Variants in PCDHGA9 observed in about 807,000 individuals in gnomAD.
The protein encoded by PCDHGA9 is protocadherin gamma subfamily A, 9.
A neutral mutation model predicts 62.5 loss-of-function variants in PCDHGA9; 37 were observed. The observed-to-expected ratio is 0.59, with a 90% CI of 0.46 to 0.78. The LOEUF (loss-of-function observed/expected upper bound fraction) is 0.78, where lower values mean the gene tolerates loss of function less well. Ranked by LOEUF, PCDHGA9 falls within the 30% of genes least tolerant of loss-of-function variation. PCDHGA9 has a pLI of 0.00. For synonymous variants in PCDHGA9, 459 were observed against 484.6 expected (o/e 0.95, Z 0.69); for missense variants, 1,138 against 1,166.2 (o/e 0.98, Z 0.35).
chr5:141,432,725 G>A lies in PCDHGA9; in HGVS notation c.2424+27349G>A, dbSNP rs755759587. The A allele has an allele frequency of 7.4e-6, 12 of 1,613,896 alleles. No individual in the cohort carries two copies. Among genetic ancestry groups the A allele is most frequent in the African/African-American group, 1.3e-5 (1 of 74,932 alleles). On this transcript the variant is annotated intron_variant, in intron 1 of 3. Transcript: ENST00000573521. This position sits in a 1 kb window ranked among gnomAD's most constrained non-coding sequence, Gnocchi z 6.0. ...GGACCACGGCCAGCCCCCTCTCTCC[G>A]CCACTGTCACGCTCACCGTGGCCGT...
rs774898388 is a variant in PCDHGA9, at chr5:141,491,593, A to G, written c.2425-3214A>G. 6.8e-6 allele frequency: 11 copies of G among 1,613,918 alleles called. No individual in the cohort carries two copies. In the Admixed American group the frequency reaches 1.2e-4, roughly 17 times the overall value. Reference sequence around the variant, plus strand: ...GTGCTTTTCACCGGCCTCGGACGGCAGTGACTTCACTTTTCTAAGACCCCT... The same window carrying G: ...GTGCTTTTCACCGGCCTCGGACGGCGGTGACTTCACTTTTCTAAGACCCCT... On this transcript the variant is annotated intron_variant, in intron 1 of 3. Transcript: ENST00000573521. This position sits in a 1 kb window ranked among gnomAD's most constrained non-coding sequence, Gnocchi z 6.9.
intron 1 of PCDHGA9, among the ~76,000 whole-genome samples, chr5:141,482,053 C>G (rs2099551080): frequency 6.6e-6 from 1 of 150,558 alleles, no homozygotes; most frequent in Non-Finnish European, 1.5e-5. Flanking sequence ...CTGTTGCATT[C>G]CAGCCTGGGC....
At chr5:141,470,961 C>T (rs1447105252) in intron 1 of PCDHGA9, among the ~76,000 whole-genome samples, 1 of 152,036 alleles carries the variant, frequency 6.6e-6, no homozygotes, top group Non-Finnish European at 1.5e-5. Context: ...AAGTGATCCT[C>T]CCACCTCAGC....
At position 141,431,851 on chromosome 5, in the gene PCDHGA9, A is replaced by G. The variant is rs2097423722; in HGVS notation, c.2424+26475A>G. 1 of 1,614,264 alleles carries G rather than the reference A, an allele frequency of 6.2e-7. No individual in the cohort carries two copies. The highest frequency in any genetic ancestry group is 1.1e-5 in the South Asian group (1 of 91,088). ...TTCCCGAAAACTCTCCCAGAGGGAC[A>G]TTAATTGCCCTTTTAAATGTAAATG... On this transcript the variant is annotated intron_variant, in intron 1 of 3. Coordinates refer to ENST00000573521, the MANE Select transcript of PCDHGA9 (RefSeq NM_018921.3). This position sits in a 1 kb window ranked among gnomAD's most constrained non-coding sequence, Gnocchi z 4.8.
At chr5:141,454,796 ATTTTTTTTTTTTTTTT>A (rs61612330) in intron 1 of PCDHGA9, among the ~76,000 whole-genome samples, 1 of 77,408 alleles carries the variant, frequency 1.3e-5, no homozygotes, top group East Asian at 4.0e-4. Flanking sequence ...CATGGTTCTA[ATTTTTTTTTTTTTTTT>A]TTTTTTTTTT....
Position 141,485,602 on chromosome 5 carries a change from G to A in PCDHGA9, c.2425-9205G>A, listed in dbSNP as rs766134158. On this transcript the variant is annotated intron_variant, in intron 1 of 3. Transcript: ENST00000573521. The surrounding 1 kb of genome is among the most constrained non-coding windows in gnomAD (Gnocchi z 5.7). ...GGCAGCAGCTGGACTTGGAAATTGG[G>A]GAGGCAGCTCCTCCAGGACAGCGTT... is the stretch of plus-strand genomic sequence containing the variant. 2.5e-6 allele frequency: 4 copies of A among 1,612,418 alleles called. No individual in the cohort carries two copies. In the Admixed American group the frequency reaches 5.0e-5, roughly 20 times the overall value.
intron 1 of PCDHGA9, among the ~76,000 whole-genome samples, chr5:141,484,675 T>C (rs1179759392): frequency 6.6e-6 from 1 of 152,042 alleles, no homozygotes; most frequent in African/African-American, 2.4e-5. Context: ...GGGCCGCAGG[T>C]TGCTAGGGCT....
intron 1 of PCDHGA9, among the ~76,000 whole-genome samples, chr5:141,457,931 T>G (rs1335457669): frequency 6.6e-6 from 1 of 152,184 alleles, no homozygotes; most frequent in Non-Finnish European, 1.5e-5. Context: ...CCAAGGGGCT[T>G]TTATTGGCTC....
rs746395931 is a variant in PCDHGA9, at chr5:141,403,694, C to T, written c.742C>T (p.Arg248Ter). ...NAPVFAQRIY[R>*]VKVLENVPPG... is the part of the protein sequence containing the mutation. ...CCCGGTTTTTGCTCAACGGATTTAC[C>T]GAGTTAAAGTCCTTGAGAACGTGCC... The change falls in exon 1 of 4, where the codon CGA (arginine) becomes TGA (stop). Residue 248 changes from arginine to a stop codon, truncating the protein, a stop_gained. Transcript: ENST00000573521. LOFTEE classifies it high-confidence loss of function. 1.9e-6 allele frequency: 3 copies of T among 1,613,760 alleles called. No homozygotes were observed. The highest frequency in any genetic ancestry group is 3.3e-5 in the Admixed American group (2 of 59,996).
At chr5:141,415,737 A>G in intron 1 of PCDHGA9, 1 of 574,948 alleles carries the variant, frequency 1.7e-6, no homozygotes, top group Non-Finnish European at 2.5e-6. Flanking sequence ...GATGTTTATT[A>G]AGGTTTTTTT....
At chr5:141,414,790 A>G (rs1190584746) in intron 1 of PCDHGA9, 1 of 1,614,226 alleles carries the variant, frequency 6.2e-7, no homozygotes, top group South Asian at 1.1e-5. Context: ...GGTGACAGCC[A>G]GCGACAGCGG....
chr5:141,478,199 C>G, intron 1 of PCDHGA9: 1 of 1,614,056 alleles, frequency 6.2e-7, no homozygotes, highest in Non-Finnish European at 8.5e-7. Flanking sequence ...CTTTTATCTA[C>G]TTCTTTCTCT....
intron 1 of PCDHGA9, chr5:141,417,503 T>G (rs1171198405): frequency 8.7e-6 from 2 of 229,844 alleles, no homozygotes; most frequent in East Asian, 1.9e-4. Context: ...GGAAAAAGAT[T>G]AAAATATTTT....
rs1331205396 is a variant in PCDHGA9, at chr5:141,403,276, C to T, written c.324C>T (p.Val108=). ...CGCGGTGTCTGGTGAACTTTAAAGTCCTGGTTGAAGACAGAGTGAAACTGT... is the reference window on the plus strand; with the variant it reads ...CGCGGTGTCTGGTGAACTTTAAAGTTCTGGTTGAAGACAGAGTGAAACTGT... ...QSPRCLVNFK[V]LVEDRVKLYG... Residue 108 remains valine, a synonymous_variant, in exon 1 of 4, where the codon GTC becomes GTT. Transcript: ENST00000573521. 3 of 1,613,844 alleles carry T rather than the reference C, an allele frequency of 1.9e-6. No homozygotes were observed. The highest frequency in any genetic ancestry group is 2.5e-6 in the Non-Finnish European group (3 of 1,179,898).
In PCDHGA9 at chr5:141,417,713, C is replaced by T. The variant is rs905298887; in HGVS notation, c.2424+12337C>T. 1.3e-4 allele frequency: 160 copies of T among 1,271,624 alleles called. No homozygotes were observed. In the Admixed American group the frequency reaches 4.6e-3, roughly 37 times the overall value. The allele number at this position is 1,271,624 out of a possible 1,614,324, so 78.8% of individuals were successfully genotyped here. On this transcript the variant is annotated intron_variant, in intron 1 of 3. Transcript: ENST00000573521. ...AAACCAGCTCCCACACAGAGGCTCC[C>T]GGCTGCGCAGACCTTGCCCAGCACA... is the stretch of plus-strand genomic sequence containing the variant.
chr5:141,471,427 AGT>A (rs1475862025), intron 1 of PCDHGA9: 1 of 152,188 alleles, frequency 6.6e-6, no homozygotes, highest in Non-Finnish European at 1.5e-5. Flanking sequence ...TAGCAAGGAA[AGT>A]GTATAATCTC....
At position 141,409,359 on chromosome 5, in the gene PCDHGA9, T is replaced by C. The variant is rs371907890; in HGVS notation, c.2424+3983T>C. ...GGAAATGGAGAAGTCAGGTGTAATA[T>C]AGAAACAGACATTCCATTCAAGATT... On this transcript the variant is annotated intron_variant, in intron 1 of 3. Coordinates refer to ENST00000573521, the MANE Select transcript of PCDHGA9 (RefSeq NM_018921.3). 6.8e-6 allele frequency: 11 copies of C among 1,614,026 alleles called. No individual in the cohort carries two copies. The highest frequency in any genetic ancestry group is 8.5e-6 in the Non-Finnish European group (10 of 1,179,908).
At chr5:141,434,830 C>A (rs7703679) in intron 1 of PCDHGA9, among the ~76,000 whole-genome samples, 45,467 of 151,546 alleles carry the variant, frequency 0.3, 8,050 homozygotes, top group African/African-American at 0.5. Flanking sequence ...GTACACTTGG[C>A]ATTTATAAAG....
intron 1 of PCDHGA9, chr5:141,430,857 A>G: frequency 1.3e-6 from 2 of 1,591,432 alleles, no homozygotes; most frequent in Non-Finnish European, 1.7e-6. Flanking sequence ...CAGATACGCT[A>G]TTCAGTTCCG....
Sources: gnomAD v4.1 joint callset for allele counts (sites outside exome capture counted in the v4.1 genomes callset) on GRCh38, gnomAD v4.1.1 for gene constraint, Gnocchi (gnomAD v3.1) non-coding constraint, MANE v1.5 for transcripts, NCBI Gene and HGNC (gene_info 2026-07-23, HGNC 2026-07-21) for gene names.